TCF25: variants seen among roughly 807,000 people sequenced by gnomAD.
TCF25 encodes the protein ribosome quality control complex subunit TCF25.
In TCF25, 41 loss-of-function variants were observed where a neutral mutation model predicts 83.1. The observed-to-expected ratio is 0.49, with a 90% CI of 0.38 to 0.64. TCF25 has a LOEUF of 0.64. Among genes scored for constraint, TCF25 ranks in the 30% least tolerant of loss-of-function variants. TCF25 has a pLI of 0.00. For missense variants in TCF25, 979 were observed against 914.5 expected, an observed-to-expected ratio of 1.07 and a Z score of -0.91; for synonymous variants, 458 against 365.0, an observed-to-expected ratio of 1.25 and a Z score of -2.90.
intron 12 of TCF25, among the ~76,000 whole-genome samples, chr16:89,903,157 T>C (rs916332987): frequency 6.6e-6 from 1 of 152,252 alleles, no homozygotes; most frequent in Non-Finnish European, 1.5e-5. Context: ...TGCTGCTGTG[T>C]CACAGGCTGT....
At chr16:89,906,558 G>A (rs377359621) in intron 15 of TCF25, among the ~76,000 whole-genome samples, 5 of 152,222 alleles carry the variant, frequency 3.3e-5, no homozygotes, top group African/African-American at 4.8e-5. Flanking sequence ...TCTTGTGAGC[G>A]CGTGGTGCGG....
In TCF25 at chr16:89,911,214, T is replaced by C. The variant is rs3207731; in HGVS notation, c.2007T>C (p.Ala669=). The C allele has an allele frequency of 6.2e-7, 1 of 1,612,298 alleles. No individual in the cohort carries two copies. The highest frequency in any genetic ancestry group is 1.1e-5 in the South Asian group (1 of 91,040). Residue 669 remains alanine (A), a synonymous_variant, in exon 18 of 18, where the codon GCT becomes GCC. Coordinates refer to ENST00000263346, the MANE Select transcript of TCF25 (RefSeq NM_014972.3). ...NDLEAPHEDD[A]EGEGEWD is the part of the protein sequence containing the mutation. ...TGGAGGCGCCGCACGAGGACGACGC[T>C]GAGGGGGAGGGGGAGTGGGACTGAG...
At chr16:89,885,277 GT>G (rs1166681443) in intron 3 of TCF25, among the ~76,000 whole-genome samples, 1 of 152,158 alleles carries the variant, frequency 6.6e-6, no homozygotes, top group Admixed American at 6.6e-5. Flanking sequence ...TTTTACCCTT[GT>G]TCCTCGACTG....
intron 2 of TCF25, 62 bp downstream of exon 2, chr16:89,883,574 G>A (rs753346579): frequency 6.0e-6 from 9 of 1,510,436 alleles, no homozygotes; most frequent in South Asian, 4.9e-5. Context: ...ACCCAGCCAC[G>A]TGTATCCTGT....
chr16:89,899,560 C>T lies in TCF25; in HGVS notation c.1221+688C>T, dbSNP rs113934498. 2.8e-3 allele frequency among the ~76,000 whole-genome samples: 433 copies of T among 152,214 alleles called. 4 individuals are homozygous for T. The highest frequency in any genetic ancestry group is 0.01 in the African/African-American group (416 of 41,538). Reference sequence around the variant, plus strand: ...CAGCCTCAACATGGAGAAACCCTGTCTCTACTAAAAATACAAAATTAGCTG... The same window carrying T: ...CAGCCTCAACATGGAGAAACCCTGTTTCTACTAAAAATACAAAATTAGCTG... On this transcript the variant is annotated intron_variant, in intron 11 of 17. Transcript: ENST00000263346.
Position 89,906,251 on chromosome 16 carries a change from T to A in TCF25, c.1686T>A (p.Ser562=), listed in dbSNP as rs752582205. The A allele has an allele frequency of 6.2e-7, 1 of 1,613,334 alleles. No homozygotes were observed. The highest frequency in any genetic ancestry group is 8.5e-7 in the Non-Finnish European group (1 of 1,179,976). Residue 562 remains serine, a synonymous_variant, in exon 15 of 18, where the codon TCT becomes TCA. Coordinates refer to ENST00000263346, the MANE Select transcript of TCF25 (RefSeq NM_014972.3). ...PRNIHRHVIL[S]EIKEAVAALP... is the part of the protein sequence containing the mutation. ...ATATCCACCGCCATGTGATCCTCTC[T>A]GAGATCAAGGAAGCCGTCGCTGCCC...
intron 2 of TCF25, chr16:89,883,888 G>A (rs2042791865): frequency 4.7e-6 from 1 of 214,294 alleles, no homozygotes; most frequent in South Asian, 8.0e-5. Context: ...TGGCTGGGTT[G>A]TGGATCTGGG....
intron 1 of TCF25, chr16:89,874,508 T>C (rs1007779254): frequency 2.3e-4 from 35 of 152,716 alleles, no homozygotes; most frequent in African/African-American, 8.4e-4. Context: ...TCACAACAAC[T>C]CTGCCTAACC....
intron 14 of TCF25, 130 bp from the exon 15 acceptor site, chr16:89,906,064 A>G (rs1265501326): frequency 2.2e-5 from 17 of 784,346 alleles, no homozygotes; most frequent in Non-Finnish European, 2.9e-5. Flanking sequence ...TAAAGTGTAC[A>G]GTTTTTGCAG....
Position 89,883,429 on chromosome 16 carries a change from C to T in TCF25, c.271C>T (p.Pro91Ser). The change falls in exon 2 of 18, where the codon CCA becomes TCA. Residue 91 changes from proline to serine, a missense_variant. Pro to Ser is a moderately conservative substitution (Grantham distance 74, BLOSUM62 -1). Transcript: ENST00000263346. ...CTGTGCGCTCACAGACGCTGTGGCACCAGGGAACAAAGGAAGGGGTCAGCG... is the reference window on the plus strand; with the variant it reads ...CTGTGCGCTCACAGACGCTGTGGCATCAGGGAACAAAGGAAGGGGTCAGCG... The part of the protein sequence containing the change: ...SGCALTDAVA[P>S]GNKGRGQRGN... 2 of 1,613,828 alleles carry T rather than the reference C, an allele frequency of 1.2e-6. No individual in the cohort carries two copies.
At chr16:89,882,390 TAGCC>T (rs1229503367) in intron 1 of TCF25, among the ~76,000 whole-genome samples, 1 of 151,352 alleles carries the variant, frequency 6.6e-6, no homozygotes, top group Non-Finnish European at 1.5e-5. Flanking sequence ...TTTAAAAAAT[TAGCC>T]AGGCATGGTA....
Position 89,887,338 on chromosome 16 carries a change from G to A in TCF25, c.549-314G>A, listed in dbSNP as rs117583279. On this transcript the variant is annotated intron_variant, in intron 4 of 17. Transcript: ENST00000263346. ...AAAGCTCCGTGGAGTCAGTTAAGAC[G>A]CAGTAGTGTAGTCCCAGGGTGCGTG... 7.1e-3 allele frequency among the ~76,000 whole-genome samples: 1,077 copies of A among 151,586 alleles called. 3 individuals carry two copies. The highest frequency in any genetic ancestry group is 0.011 in the Non-Finnish European group (735 of 67,954).
rs138375994 is a variant in TCF25 at position 89,893,855 on chromosome 16, C to T, written c.825C>T (p.Ile275=). Residue 275 remains isoleucine (I), a synonymous_variant, in exon 7 of 18, where the codon ATC becomes ATT. Coordinates refer to ENST00000263346, the MANE Select transcript of TCF25 (RefSeq NM_014972.3). ...VAVESMEPNN[I]VVLLQTSPYH... ...TGGAGTCTATGGAGCCGAACAACAT[C>T]GTGGTGCGTGGTCCCTGCAGCCCCT... 20 of 1,601,518 alleles carry T rather than the reference C, an allele frequency of 1.2e-5. No individual in the cohort carries two copies. Among genetic ancestry groups the T allele is most frequent in the African/African-American group, 1.2e-4 (9 of 74,470 alleles).
chr16:89,900,321 T>C (rs1485178383), intron 11 of TCF25, among the ~76,000 whole-genome samples: 2 of 135,652 alleles, frequency 1.5e-5, no homozygotes, highest in African/African-American at 5.0e-5. Context: ...ATTTTCCACA[T>C]TGAGAGCACC....
At chr16:89,899,203 C>T (rs1253777882) in intron 11 of TCF25, among the ~76,000 whole-genome samples, 2 of 152,146 alleles carry the variant, frequency 1.3e-5, no homozygotes, top group Non-Finnish European at 2.9e-5. Context: ...TCCTCATGGG[C>T]AGTTCAGGAA....
At chr16:89,910,436 A>G (rs375454675) in intron 16 of TCF25, 155 bp from the exon 17 acceptor site, 4 of 700,480 alleles carry the variant, frequency 5.7e-6, no homozygotes, top group Non-Finnish European at 9.8e-6. Context: ...CACCCGGGGA[A>G]TCCAGGGCCT....
intron 1 of TCF25, among the ~76,000 whole-genome samples, chr16:89,875,989 C>CTT (rs34016555): frequency 6.7e-6 from 1 of 150,370 alleles, no homozygotes; most frequent in African/African-American, 2.5e-5. Flanking sequence ...TCTTTTAATG[C>CTT]TTTTTTTTTC....
chr16:89,911,088 G>C lies in TCF25; in HGVS notation c.1881G>C (p.Arg627Ser), dbSNP rs1382819352. The change falls in exon 18 of 18, where the codon AGG becomes AGC. Residue 627 changes from arginine (R) to serine (S), a missense_variant. Coordinates refer to ENST00000263346, the MANE Select transcript of TCF25 (RefSeq NM_014972.3). The part of the protein sequence containing the change: ...LLPNYTMEGE[R>S]PEEGVAGGLN... ...ATGTCCCCTTGCTGCAGGGGGAGAGGCCCGAGGAAGGAGTGGCTGGGGGTC... is the reference window on the plus strand; with the variant it reads ...ATGTCCCCTTGCTGCAGGGGGAGAGCCCCGAGGAAGGAGTGGCTGGGGGTC... The C allele has an allele frequency of 6.2e-7, 1 of 1,610,904 alleles. No individual in the cohort carries two copies. The highest frequency in any genetic ancestry group is 1.3e-5 in the African/African-American group (1 of 74,974).
intron 8 of TCF25, 143 bp from the exon 9 acceptor site, chr16:89,895,847 G>C: frequency 1.5e-6 from 1 of 670,564 alleles, no homozygotes; most frequent in Non-Finnish European, 2.5e-6. Flanking sequence ...GGGTGCCCAG[G>C]GGCATGTCTG....
Sources: gnomAD v4.1 joint callset for allele counts (sites outside exome capture counted in the v4.1 genomes callset) on GRCh38, gnomAD v4.1.1 for gene constraint, MANE v1.5 for transcripts, NCBI Gene and HGNC (gene_info 2026-07-23, HGNC 2026-07-21) for gene names.